CTNND2: variants seen among roughly 807,000 people sequenced by gnomAD.
CTNND2 encodes the protein catenin delta-2.
In CTNND2, 22 loss-of-function variants were observed where a neutral mutation model predicts 144.4. The observed-to-expected ratio is 0.15, with a 90% CI of 0.11 to 0.22. The LOEUF (loss-of-function observed/expected upper bound fraction) is 0.22, where lower values mean the gene tolerates loss of function less well. CTNND2 is among the 10% of genes least tolerant of loss of function. CTNND2 has a pLI of 1.00. For synonymous variants in CTNND2, 751 were observed against 695.6 expected (o/e 1.08, Z -1.25); for missense variants, 1,353 against 1,618.8 (o/e 0.84, Z 2.82).
At chr5:11,775,989 G>A (rs1156883021) in intron 1 of CTNND2, among the ~76,000 whole-genome samples, 2 of 152,168 alleles carry the variant, frequency 1.3e-5, no homozygotes, top group Non-Finnish European at 2.9e-5. Context: ...CCAACTCCAA[G>A]GATTGCTGGC....
intron 12 of CTNND2, among the ~76,000 whole-genome samples, chr5:11,134,278 C>T (rs1049949960): frequency 3.9e-5 from 6 of 152,108 alleles, no homozygotes; most frequent in African/African-American, 1.4e-4. Context: ...GAAATGCAGC[C>T]CTTAGTCTAC....
chr5:11,190,451 A>G (rs1040533877), intron 11 of CTNND2, among the ~76,000 whole-genome samples: 5 of 152,236 alleles, frequency 3.3e-5, no homozygotes, highest in Non-Finnish European at 7.3e-5. Flanking sequence ...TGCCTGTGCC[A>G]TGGTAGATAA....
At chr5:11,058,572 T>A (rs1746581435) in intron 16 of CTNND2, among the ~76,000 whole-genome samples, 1 of 152,190 alleles carries the variant, frequency 6.6e-6, no homozygotes, top group East Asian at 1.9e-4. Flanking sequence ...GAACCTCTGC[T>A]CGGGCAGTGC....
At chr5:11,638,425 T>A (rs1053982143) in intron 2 of CTNND2, among the ~76,000 whole-genome samples, 2 of 152,226 alleles carry the variant, frequency 1.3e-5, no homozygotes, top group Admixed American at 6.5e-5. Flanking sequence ...CAGTAATAGA[T>A]GAGATGTCTT....
In CTNND2 at chr5:11,838,719, C is replaced by T. The variant is rs142576868; in HGVS notation, c.37+65098G>A. Among the ~76,000 whole-genome samples the T allele has an allele frequency of 2.9e-3, 443 of 152,288 alleles. 2 individuals carry two copies. The highest frequency in any genetic ancestry group is 0.01 in the African/African-American group (425 of 41,546). ...ATGATACTATCATCATTAAATATTA[C>T]ATTGCATCAATTTAAGAGATAAATT... On this transcript the variant is annotated intron_variant, in intron 1 of 21. Transcript: ENST00000304623.
intron 12 of CTNND2, among the ~76,000 whole-genome samples, chr5:11,129,272 T>C (rs190251037): frequency 0.047 from 3,110 of 66,362 alleles, 166 homozygotes; most frequent in South Asian, 0.078. Flanking sequence ...AATATATAAA[T>C]ATATATTATA....
At chr5:11,087,017 T>A (rs568249073) in intron 15 of CTNND2, among the ~76,000 whole-genome samples, 14 of 152,346 alleles carry the variant, frequency 9.2e-5, no homozygotes, top group Non-Finnish European at 2.1e-4. Context: ...ATTCTCTATA[T>A]TCTAAAAGTA....
chr5:11,892,897 C>T (rs1422212240), intron 1 of CTNND2, among the ~76,000 whole-genome samples: 3 of 152,202 alleles, frequency 2.0e-5, no homozygotes, highest in Admixed American at 2.0e-4. Flanking sequence ...TCCTCCCTTT[C>T]AAGAGATAAA....
At chr5:11,571,395 G>A (rs1034815798) in intron 2 of CTNND2, among the ~76,000 whole-genome samples, 2 of 152,092 alleles carry the variant, frequency 1.3e-5, no homozygotes, top group Non-Finnish European at 2.9e-5. Context: ...CCAGCTTTGT[G>A]CATAAACATT....
intron 2 of CTNND2, among the ~76,000 whole-genome samples, chr5:11,585,988 C>G (rs956789927): frequency 1.3e-5 from 2 of 151,976 alleles, no homozygotes; most frequent in African/African-American, 4.8e-5. Context: ...TCTTGGGAGG[C>G]GTGGGAGGGA....
At chr5:11,646,969 G>A (rs1462913132) in intron 2 of CTNND2, among the ~76,000 whole-genome samples, 1 of 152,146 alleles carries the variant, frequency 6.6e-6, no homozygotes, top group Non-Finnish European at 1.5e-5. Flanking sequence ...ATTCTCATTG[G>A]CATCCTTCTA....
At chr5:10,974,316 C>T (rs1736177962) in intron 21 of CTNND2, among the ~76,000 whole-genome samples, 1 of 152,164 alleles carries the variant, frequency 6.6e-6, no homozygotes, top group Non-Finnish European at 1.5e-5. Context: ...GTGCATTGCT[C>T]CACTGATGAA....
intron 14 of CTNND2, among the ~76,000 whole-genome samples, chr5:11,103,277 C>T (rs538339728): frequency 1.1e-4 from 16 of 152,094 alleles, no homozygotes; most frequent in African/African-American, 2.4e-4. Context: ...CCACCGCACC[C>T]GGTCTATTTA....
chr5:11,007,640 G>A (rs540739559), intron 18 of CTNND2, among the ~76,000 whole-genome samples: 12 of 152,348 alleles, frequency 7.9e-5, no homozygotes, highest in Admixed American at 2.0e-4. Context: ...TGGCCTCCCT[G>A]CATAGGGCAA....
At chr5:11,063,017 G>C (rs1747173061) in intron 16 of CTNND2, among the ~76,000 whole-genome samples, 1 of 152,118 alleles carries the variant, frequency 6.6e-6, no homozygotes, top group Admixed American at 6.5e-5. Context: ...CCTTCAACAA[G>C]ATTGAAGGAA....
intron 6 of CTNND2, among the ~76,000 whole-genome samples, chr5:11,395,993 A>G (rs180910857): frequency 6.6e-6 from 1 of 152,360 alleles, no homozygotes; most frequent in Non-Finnish European, 1.5e-5. Context: ...GTTTAGTTAG[A>G]GGAATGCCTG....
At chr5:11,303,409 A>G (rs778431121) in intron 9 of CTNND2, among the ~76,000 whole-genome samples, 1 of 152,120 alleles carries the variant, frequency 6.6e-6, no homozygotes, top group Non-Finnish European at 1.5e-5. Flanking sequence ...CACTTTCTCT[A>G]TGGCCCTGGG....
intron 9 of CTNND2, among the ~76,000 whole-genome samples, chr5:11,339,680 AT>A (rs1249893645): frequency 2.0e-5 from 3 of 152,100 alleles, no homozygotes; most frequent in African/African-American, 7.2e-5. Context: ...TGACTAGGTT[AT>A]GGGGGTATAG....
intron 9 of CTNND2, among the ~76,000 whole-genome samples, chr5:11,290,092 A>C (rs1334462978): frequency 1.3e-5 from 2 of 152,194 alleles, no homozygotes; most frequent in Non-Finnish European, 2.9e-5. Flanking sequence ...ACATAAACTA[A>C]GGAATGTTTA....
Sources: gnomAD v4.1 joint callset for allele counts (sites outside exome capture counted in the v4.1 genomes callset) on GRCh38, gnomAD v4.1.1 for gene constraint, MANE v1.5 for transcripts, NCBI Gene and HGNC (gene_info 2026-07-23, HGNC 2026-07-21) for gene names.